CHD6: variants seen among roughly 807,000 people sequenced by gnomAD.
The protein encoded by CHD6 is chromodomain helicase DNA binding protein 6, also known as ATP-dependent chromatin remodeler CHD6.
A neutral mutation model predicts 276.9 loss-of-function variants in CHD6; 50 were observed. That is an observed-to-expected ratio of 0.18 (90% CI 0.14 to 0.23). CHD6 has a LOEUF of 0.23. CHD6 is among the 10% of genes least tolerant of loss of function. The probability of loss-of-function intolerance (pLI) is 1.00; values close to 1 mark genes in which losing one functional copy is unlikely to be tolerated. For missense variants in CHD6, 2,564 were observed against 3,365.8 expected (o/e 0.76, Z 5.89); for synonymous variants, 1,173 against 1,229.3 (o/e 0.95, Z 0.96).
At chr20:41,516,799 G>GA (rs2044263176) in intron 3 of CHD6, among the ~76,000 whole-genome samples, 1 of 152,166 alleles carries the variant, frequency 6.6e-6, no homozygotes, top group African/African-American at 2.4e-5. Flanking sequence ...GCAGGTCCAG[G>GA]AAAGAGGGAA....
intron 25 of CHD6, among the ~76,000 whole-genome samples, chr20:41,441,300 A>G (rs1174816960): frequency 6.6e-6 from 1 of 152,176 alleles, no homozygotes; most frequent in Non-Finnish European, 1.5e-5. Context: ...TGACCAGATG[A>G]GTCGGTTTTG....
Position 41,404,626 on chromosome 20 carries a change from C to T in CHD6, c.8115G>A (p.Gly2705=), listed in dbSNP as rs1356738990. The T allele has an allele frequency of 6.7e-6, 10 of 1,500,020 alleles. No individual in the cohort carries two copies. The highest frequency in any genetic ancestry group is 6.2e-6 in the Non-Finnish European group (7 of 1,123,916). 92.9% of individuals were successfully genotyped at this position (1,500,020 alleles called of 1,614,324 possible). ...TGTCGTTGTTGGAGTCTTTGAGTGC[C>T]CCCTCCCCAGCCTGTGCCCCATGTT... ...EREHGAQAGE[G]ALKDSNNDTN The change falls in exon 37 of 37, where the codon GGG becomes GGA. Residue 2705 remains glycine, a synonymous_variant. Transcript: ENST00000373233.
At chr20:41,554,995 T>C (rs1237841425) in intron 1 of CHD6, among the ~76,000 whole-genome samples, 18 of 142,676 alleles carry the variant, frequency 1.3e-4, no homozygotes, top group South Asian at 6.9e-4. Flanking sequence ...ACGGGGCGGC[T>C]GGCCGGGCGG....
At chr20:41,518,708 C>A (rs1283854218) in intron 3 of CHD6, among the ~76,000 whole-genome samples, 2 of 152,084 alleles carry the variant, frequency 1.3e-5, no homozygotes, top group Non-Finnish European at 2.9e-5. Flanking sequence ...TCCAAAAATT[C>A]TTTCTGGAGC....
intron 1 of CHD6, among the ~76,000 whole-genome samples, chr20:41,608,597 T>A (rs192341965): frequency 1.3e-5 from 2 of 152,288 alleles, no homozygotes; most frequent in African/African-American, 4.8e-5. Context: ...GAAAATTGAA[T>A]TCTAATCAAG....
At chr20:41,599,713 G>A (rs188313535) in intron 1 of CHD6, among the ~76,000 whole-genome samples, 8 of 152,274 alleles carry the variant, frequency 5.3e-5, no homozygotes, top group Middle Eastern at 3.4e-3. Context: ...AGCTTCCTTC[G>A]TCTTTCTCTC....
chr20:41,581,968 C>T (rs1190767817), intron 1 of CHD6, among the ~76,000 whole-genome samples: 2 of 152,092 alleles, frequency 1.3e-5, no homozygotes, highest in Admixed American at 1.3e-4. Context: ...AACTTCCTCA[C>T]AAATTCATCC....
chr20:41,514,729 G>A lies in CHD6; in HGVS notation c.702+76C>T, dbSNP rs1354416351. On this transcript the variant is annotated intron_variant, in intron 4 of 36. Transcript: ENST00000373233. Reference sequence around the variant, plus strand: ...GAGTGTGCTAGAGAAAGGCATAGAGGAGCAACACGATCAGTGTCAGCCAGA... The same window carrying A: ...GAGTGTGCTAGAGAAAGGCATAGAGAAGCAACACGATCAGTGTCAGCCAGA... The A allele has an allele frequency of 4.0e-6, 6 of 1,517,308 alleles. No individual in the cohort carries two copies. In the South Asian group the frequency reaches 4.9e-5, roughly 12 times the overall value. The allele number at this position is 1,517,308 out of a possible 1,614,324, so 94.0% of individuals were successfully genotyped here.
intron 3 of CHD6, among the ~76,000 whole-genome samples, chr20:41,525,997 C>A (rs968144705): frequency 2.6e-5 from 4 of 152,052 alleles, no homozygotes; most frequent in African/African-American, 7.2e-5. Flanking sequence ...TATAAAAAAA[C>A]TCATAAAGCA....
intron 3 of CHD6, among the ~76,000 whole-genome samples, chr20:41,525,960 C>A (rs993644862): frequency 6.6e-6 from 1 of 152,178 alleles, no homozygotes; most frequent in Non-Finnish European, 1.5e-5. Flanking sequence ...CTCATAGATA[C>A]TTCTGTGACA....
intron 27 of CHD6, among the ~76,000 whole-genome samples, chr20:41,432,290 A>G (rs908170720): frequency 1.3e-5 from 2 of 152,166 alleles, no homozygotes; most frequent in African/African-American, 4.8e-5. Context: ...CAGCCCAACA[A>G]TGCAGAAGAA....
At chr20:41,531,337 C>G (rs2044679839) in intron 3 of CHD6, among the ~76,000 whole-genome samples, 1 of 152,100 alleles carries the variant, frequency 6.6e-6, no homozygotes, top group African/African-American at 2.4e-5. Flanking sequence ...TTATTATTCT[C>G]TGTAATAATA....
At chr20:41,435,186 C>A (rs1053907863) in intron 27 of CHD6, among the ~76,000 whole-genome samples, 11 of 151,878 alleles carry the variant, frequency 7.2e-5, no homozygotes, top group African/African-American at 2.4e-4. Flanking sequence ...GAAAATACAA[C>A]ACAAAATTAA....
intron 17 of CHD6, among the ~76,000 whole-genome samples, chr20:41,466,580 C>T (rs1052149258): frequency 7.9e-5 from 12 of 152,126 alleles, no homozygotes; most frequent in Non-Finnish European, 1.6e-4. Context: ...AGGAAGTGAT[C>T]ATGGTGAACA....
chr20:41,563,770 G>A (rs531495260), intron 1 of CHD6, among the ~76,000 whole-genome samples: 1 of 152,104 alleles, frequency 6.6e-6, no homozygotes, highest in Admixed American at 6.5e-5. Flanking sequence ...ATGTCATAAT[G>A]TCAATTGACC....
intron 27 of CHD6, among the ~76,000 whole-genome samples, chr20:41,429,901 A>G (rs16985754): frequency 0.13 from 19,879 of 152,154 alleles, 2,394 homozygotes; most frequent in East Asian, 0.34. Context: ...CAATGCTAAG[A>G]CTCTACCAAT....
At chr20:41,517,854 G>A (rs1331519518) in intron 3 of CHD6, among the ~76,000 whole-genome samples, 1 of 152,006 alleles carries the variant, frequency 6.6e-6, no homozygotes, top group Non-Finnish European at 1.5e-5. Flanking sequence ...TGAGTCACAG[G>A]GTATTACTTT....
chr20:41,559,029 T>C (rs1187437132), intron 1 of CHD6, among the ~76,000 whole-genome samples: 2 of 152,200 alleles, frequency 1.3e-5, no homozygotes, highest in Non-Finnish European at 2.9e-5. Context: ...GGTCCTCTAA[T>C]CAACATTATT....
chr20:41,500,218 C>A (rs2043797996), intron 5 of CHD6, among the ~76,000 whole-genome samples: 1 of 152,056 alleles, frequency 6.6e-6, no homozygotes, highest in South Asian at 2.1e-4. Flanking sequence ...AATGAAACTG[C>A]CAAATTCGGT....
Sources: allele counts gnomAD v4.1 joint callset (sites outside exome capture counted in the v4.1 genomes callset), GRCh38; gene constraint gnomAD v4.1.1; transcripts MANE v1.5; gene names NCBI Gene and HGNC (gene_info 2026-07-23, HGNC 2026-07-21).